The following DYSF variants were observed in gnomAD, a reference collection of about 807,000 sequenced individuals.
The protein encoded by DYSF is dystrophy-associated fer-1-like 1.
In DYSF, 212 loss-of-function variants were observed where a neutral mutation model predicts 274.9. The ratio of observed to expected loss-of-function variants is 0.77; its 90% CI spans 0.69 to 0.86. DYSF has a LOEUF of 0.86. Ranked by LOEUF, DYSF falls within the 40% of genes least tolerant of loss-of-function variation. DYSF has a pLI of 0.00. For synonymous variants in DYSF, 1,091 were observed against 1,078.7 expected, an observed-to-expected ratio of 1.01 and a Z score of -0.22; for missense variants, 2,666 against 2,783.2, an observed-to-expected ratio of 0.96 and a Z score of 0.95.
intron 1 of DYSF, among the ~76,000 whole-genome samples, chr2:71,467,338 T>TTTCA (rs143817784): frequency 0.013 from 2,002 of 152,026 alleles, 14 homozygotes; most frequent in Non-Finnish European, 0.022. Flanking sequence ...TTGTGTCTTT[T>TTTCA]TTCATTCATT....
At chr2:71,523,640 G>A (rs1261656411) in intron 12 of DYSF, among the ~76,000 whole-genome samples, 1 of 147,418 alleles carries the variant, frequency 6.8e-6, no homozygotes, top group Admixed American at 6.9e-5. Flanking sequence ...TCCGCCTCCC[G>A]AGTTCAAGTG....
At chr2:71,681,341 G>A (rs898940719) in intron 54 of DYSF, among the ~76,000 whole-genome samples, 2 of 152,230 alleles carry the variant, frequency 1.3e-5, no homozygotes, top group African/African-American at 2.4e-5. Context: ...GTACCTGTTG[G>A]TTGTGTGCCA....
chr2:71,542,742 G>C (rs372876589), intron 17 of DYSF, among the ~76,000 whole-genome samples: 9 of 152,282 alleles, frequency 5.9e-5, no homozygotes, highest in African/African-American at 2.2e-4. Flanking sequence ...TCTTAGTACA[G>C]AACAAAATGG....
chr2:71,529,772 A>C (rs192660105), intron 14 of DYSF, among the ~76,000 whole-genome samples: 6 of 152,346 alleles, frequency 3.9e-5, no homozygotes, highest in Non-Finnish European at 7.3e-5. Flanking sequence ...GAAGTCATTT[A>C]GTTGGGACTG....
At chr2:71,643,913 C>A in intron 41 of DYSF, 52 bp from the exon 42 acceptor site, 1 of 1,437,550 alleles carries the variant, frequency 7.0e-7, no homozygotes, top group Non-Finnish European at 9.7e-7. Context: ...CTGAAGAATG[C>A]TGCTTGGCGA....
intron 15 of DYSF, 31 bp from the exon 16 acceptor site, chr2:71,535,237 T>G (rs765006507): frequency 6.2e-7 from 1 of 1,612,512 alleles, no homozygotes; most frequent in Admixed American, 1.7e-5. Context: ...AAAAGGACTC[T>G]TCTCCCAACA....
rs368090051 is a variant in DYSF at position 71,620,564 on chromosome 2, G to A, written c.4482G>A (p.Ser1494=). The A allele has an allele frequency of 1.3e-6, 2 of 1,551,650 alleles. No individual in the cohort carries two copies. Among genetic ancestry groups the A allele is most frequent in the East Asian group, 4.9e-5 (2 of 40,908 alleles). ...LIPIQLADGL[S]SLAPTNTASP... is the part of the protein sequence containing the mutation. The stretch of plus-strand genomic sequence containing the variant: ...ATTTGTAGCTTGCAGACGGTCTGTC[G>A]AGCTTGGCCCCCACTAACACGGCTT... Residue 1494 remains serine (S), a synonymous_variant, in exon 41 of 56, where the codon TCG becomes TCA. Coordinates refer to ENST00000410020, the MANE Select transcript of DYSF (RefSeq NM_001130987.2).
At chr2:71,587,379 G>T (rs1417912950) in intron 30 of DYSF, among the ~76,000 whole-genome samples, 2 of 152,342 alleles carry the variant, frequency 1.3e-5, no homozygotes, top group South Asian at 2.1e-4. Flanking sequence ...AGAGGCTCTT[G>T]CTGGTTTGCT....
chr2:71,464,035 C>A (rs1249185429), upstream of DYSF, among the ~76,000 whole-genome samples: 2 of 152,178 alleles, frequency 1.3e-5, no homozygotes, highest in Non-Finnish European at 2.9e-5. Context: ...GGCTCAGACT[C>A]TCCTCTCTTT....
At chr2:71,583,491 C>G (rs114755739) in intron 30 of DYSF, among the ~76,000 whole-genome samples, 1,655 of 152,310 alleles carry the variant, frequency 0.011, 17 homozygotes, top group Non-Finnish European at 0.018. Flanking sequence ...TCCTTTCTGG[C>G]CACTGTGGGG....
chr2:71,552,084 C>T (rs1251622903), intron 19 of DYSF, among the ~76,000 whole-genome samples: 2 of 152,240 alleles, frequency 1.3e-5, no homozygotes, highest in Non-Finnish European at 2.9e-5. Context: ...CCATTACTGA[C>T]TCCTCCCAGC....
intron 17 of DYSF, among the ~76,000 whole-genome samples, chr2:71,550,654 G>A (rs965649695): frequency 6.6e-6 from 1 of 152,192 alleles, no homozygotes; most frequent in Non-Finnish European, 1.5e-5. Context: ...GGTGGGGCTG[G>A]GGAGGGGCAC....
chr2:71,553,752 A>ACACCCCCCC, intron 20 of DYSF, 55 bp from the exon 21 acceptor site: 1 of 267,804 alleles, frequency 3.7e-6, no homozygotes, highest in Non-Finnish European at 6.7e-6. Context: ...TTAGCACCCC[A>ACACCCCCCC]TCCCACCCGC....
intron 1 of DYSF, among the ~76,000 whole-genome samples, chr2:71,460,757 G>A (rs188833606): frequency 3.3e-4 from 50 of 152,092 alleles, no homozygotes; most frequent in Middle Eastern, 3.4e-3. Context: ...GATGTGGGGA[G>A]ACCCTTTTCC....
chr2:71,625,622 A>G (rs1340087161), intron 41 of DYSF, among the ~76,000 whole-genome samples: 1 of 152,122 alleles, frequency 6.6e-6, no homozygotes, highest in Non-Finnish European at 1.5e-5. Flanking sequence ...CATTTTCAGA[A>G]GTATCATTGC....
intron 41 of DYSF, among the ~76,000 whole-genome samples, chr2:71,641,493 G>A (rs1345608618): frequency 6.6e-6 from 1 of 151,958 alleles, no homozygotes; most frequent in Non-Finnish European, 1.5e-5. Context: ...ATCTTGCTCT[G>A]GGGTTTAATC....
intron 23 of DYSF, among the ~76,000 whole-genome samples, 195 bp from the exon 24 acceptor site, chr2:71,563,863 C>T (rs2091929656): frequency 6.6e-6 from 1 of 152,218 alleles, no homozygotes. Context: ...TCTCTGGGGG[C>T]TCACCGCCAC....
chr2:71,611,924 C>T (rs372535901), intron 38 of DYSF, among the ~76,000 whole-genome samples: 138 of 152,208 alleles, frequency 9.1e-4, no homozygotes, highest in African/African-American at 2.8e-3. Context: ...TCCCCTGGAG[C>T]GCCCTTGGGG....
chr2:71,551,811 GA>G (rs1165713398), intron 19 of DYSF, 91 bp downstream of exon 19: 4 of 1,057,866 alleles, frequency 3.8e-6, no homozygotes, highest in Non-Finnish European at 5.6e-6. Context: ...ATGGCCGAGG[GA>G]GGAGGAAGCT....
Sources: allele counts gnomAD v4.1 joint callset (sites outside exome capture counted in the v4.1 genomes callset), GRCh38; gene constraint gnomAD v4.1.1; transcripts MANE v1.5; gene names NCBI Gene and HGNC (gene_info 2026-07-23, HGNC 2026-07-21).